Variants in CCDC178 observed in about 807,000 individuals in gnomAD.
The protein encoded by CCDC178 is coiled-coil domain containing 178.
In CCDC178, 126 loss-of-function variants were observed where a neutral mutation model predicts 117.4. The observed-to-expected ratio is 1.07, with a 90% CI of 0.93 to 1.24. The LOEUF (loss-of-function observed/expected upper bound fraction) is 1.24, where lower values mean the gene tolerates loss of function less well. Among genes scored for constraint, CCDC178 ranks in the 50% most tolerant of loss-of-function variants. CCDC178 has a pLI of 0.00. For synonymous variants in CCDC178, 283 were observed against 313.4 expected (o/e 0.90, Z 1.02); for missense variants, 1,030 against 986.9 (o/e 1.04, Z -0.59).
intron 21 of CCDC178, among the ~76,000 whole-genome samples, chr18:33,022,326 A>G (rs992814568): frequency 1.3e-5 from 2 of 152,244 alleles, no homozygotes; most frequent in Admixed American, 1.3e-4. Flanking sequence ...TGTGATAAGT[A>G]GAAATATAAG....
In CCDC178 at chr18:32,981,115, A is replaced by G. The variant is rs944421647; in HGVS notation, c.2389-6434T>C. 2.6e-5 allele frequency among the ~76,000 whole-genome samples: 4 copies of G among 152,270 alleles called. No homozygotes were observed. In the East Asian group the frequency reaches 7.7e-4, roughly 29 times the overall value. On this transcript the variant is annotated intron_variant, in intron 21 of 22. Coordinates refer to ENST00000383096, the MANE Select transcript of CCDC178 (RefSeq NM_001105528.4). ...CCCAGCACTTTGGGAGGCCAAGCCAAAGAGGATTGCTCGAGCTCAAGAATT... is the reference window on the plus strand; with the variant it reads ...CCCAGCACTTTGGGAGGCCAAGCCAGAGAGGATTGCTCGAGCTCAAGAATT...
chr18:33,280,299 A>G (rs2060006343), intron 12 of CCDC178, among the ~76,000 whole-genome samples: 1 of 152,186 alleles, frequency 6.6e-6, no homozygotes, highest in Non-Finnish European at 1.5e-5. Flanking sequence ...GAAGGATATG[A>G]ACAGACACTT....
intron 20 of CCDC178, among the ~76,000 whole-genome samples, chr18:33,181,506 C>T (rs1351623295): frequency 6.6e-6 from 1 of 151,884 alleles, no homozygotes; most frequent in Non-Finnish European, 1.5e-5. Flanking sequence ...CCTTTATTTA[C>T]TACAACATGA....
At chr18:33,071,151 T>C (rs2057101833) in intron 21 of CCDC178, among the ~76,000 whole-genome samples, 1 of 152,060 alleles carries the variant, frequency 6.6e-6, no homozygotes, top group Non-Finnish European at 1.5e-5. Flanking sequence ...ATGAATTCTT[T>C]ACCACTGCCT....
intron 10 of CCDC178, among the ~76,000 whole-genome samples, chr18:33,326,689 G>A (rs528459598): frequency 4.7e-4 from 71 of 150,274 alleles, no homozygotes; most frequent in African/African-American, 1.7e-3. Context: ...TCTTTTTCTC[G>A]TGTTTTGGGC....
chr18:33,293,941 T>C (rs2062071137), intron 11 of CCDC178, among the ~76,000 whole-genome samples: 1 of 151,554 alleles, frequency 6.6e-6, no homozygotes, highest in Admixed American at 6.6e-5. Flanking sequence ...AGAAGCTGGG[T>C]AATACAGGGA....
chr18:33,090,479 A>G (rs775868512), intron 21 of CCDC178, among the ~76,000 whole-genome samples: 127 of 152,342 alleles, frequency 8.3e-4, no homozygotes, highest in Non-Finnish European at 1.4e-3. Flanking sequence ...TAAACTGGCC[A>G]AAGAACTAAA....
chr18:33,342,729 C>T (rs929272688), intron 9 of CCDC178, among the ~76,000 whole-genome samples: 1 of 152,106 alleles, frequency 6.6e-6, no homozygotes, highest in African/African-American at 2.4e-5. Context: ...GAAGAGCTTC[C>T]CTAGCCAACT....
At chr18:33,175,558 T>C (rs778730849) in intron 20 of CCDC178, among the ~76,000 whole-genome samples, 9 of 152,286 alleles carry the variant, frequency 5.9e-5, no homozygotes, top group Non-Finnish European at 1.3e-4. Flanking sequence ...AAATAATGCC[T>C]ACTTTCATCT....
At chr18:33,181,201 C>T (rs2058729409) in intron 20 of CCDC178, among the ~76,000 whole-genome samples, 1 of 151,952 alleles carries the variant, frequency 6.6e-6, no homozygotes, top group Admixed American at 6.6e-5. Flanking sequence ...GAACTTCATC[C>T]TGTAAGTTTG....
At chr18:33,039,854 T>C (rs1321929124) in intron 21 of CCDC178, among the ~76,000 whole-genome samples, 1 of 151,988 alleles carries the variant, frequency 6.6e-6, no homozygotes, top group Non-Finnish European at 1.5e-5. Flanking sequence ...AGGAAGAAAC[T>C]AGATTAAGAA....
At chr18:33,205,932 G>T (rs916461712) in intron 20 of CCDC178, among the ~76,000 whole-genome samples, 1 of 152,132 alleles carries the variant, frequency 6.6e-6, no homozygotes, top group Admixed American at 6.5e-5. Flanking sequence ...GGGCTCAAGT[G>T]ATCTGCCCAC....
intron 15 of CCDC178, among the ~76,000 whole-genome samples, chr18:33,244,328 C>T (rs1195325014): frequency 6.6e-6 from 1 of 151,786 alleles, no homozygotes; most frequent in Non-Finnish European, 1.5e-5. Flanking sequence ...GTTGAAGTGG[C>T]CCTGCAGGTG....
chr18:33,243,915 T>C (rs1485216036), intron 15 of CCDC178, among the ~76,000 whole-genome samples: 1 of 151,888 alleles, frequency 6.6e-6, no homozygotes, highest in South Asian at 2.1e-4. Flanking sequence ...TATATTGATA[T>C]TATTTTAAAA....
intron 20 of CCDC178, among the ~76,000 whole-genome samples, chr18:33,200,813 C>T (rs1024627790): frequency 1.3e-5 from 2 of 152,086 alleles, no homozygotes; most frequent in African/African-American, 4.8e-5. Context: ...TGGCTTGTGC[C>T]TGTTTTTTTC....
chr18:32,969,032 T>C (rs931103529), intron 22 of CCDC178, among the ~76,000 whole-genome samples: 18 of 152,026 alleles, frequency 1.2e-4, no homozygotes, highest in Non-Finnish European at 4.4e-5. Context: ...TTTTGTTTAT[T>C]AAGTAACAGA....
At chr18:33,111,634 A>G (rs1317457924) in intron 20 of CCDC178, among the ~76,000 whole-genome samples, 1 of 151,752 alleles carries the variant, frequency 6.6e-6, no homozygotes, top group African/African-American at 2.4e-5. Context: ...ACAGAAAAAT[A>G]ACCATTCATT....
chr18:33,337,285 C>G (rs1033330343), intron 9 of CCDC178, among the ~76,000 whole-genome samples: 1 of 151,912 alleles, frequency 6.6e-6, no homozygotes, highest in African/African-American at 2.4e-5. Flanking sequence ...AATTAATTTA[C>G]CAGTTCTAGG....
chr18:32,980,526 G>C (rs1331160699), intron 21 of CCDC178, among the ~76,000 whole-genome samples: 3 of 133,060 alleles, frequency 2.3e-5, no homozygotes, highest in South Asian at 2.4e-4. Context: ...AGCGGAGATC[G>C]CGCCACAGCA....
Sources: gnomAD v4.1 joint callset for allele counts (sites outside exome capture counted in the v4.1 genomes callset) on GRCh38, gnomAD v4.1.1 for gene constraint, MANE v1.5 for transcripts, NCBI Gene and HGNC (gene_info 2026-07-23, HGNC 2026-07-21) for gene names.